Variants in RGS8 observed in about 807,000 individuals in gnomAD.
RGS8 encodes the protein regulator of G-protein signaling 8.
RGS8 carries 8 observed loss-of-function variants against 21.7 expected under a neutral mutation model. The ratio of observed to expected loss-of-function variants is 0.37; its 90% CI spans 0.22 to 0.66. The LOEUF is 0.66. Ranked by LOEUF, RGS8 falls within the 30% of genes least tolerant of loss-of-function variation. The pLI, the probability that RGS8 is intolerant of heterozygous loss-of-function variation, is 0.59. For missense variants in RGS8, 157 were observed against 217.9 expected (o/e 0.72, Z 1.76); for synonymous variants, 80 against 83.6 (o/e 0.96, Z 0.24).
the RGS8 span, among the ~76,000 whole-genome samples, chr1:182,695,965 A>G: frequency 6.6e-6 from 1 of 152,236 alleles, no homozygotes; most frequent in Non-Finnish European, 1.5e-5. Flanking sequence ...AGTGCTCAAT[A>G]TGAATTTTGA....
At chr1:182,666,702 C>A (rs1416599466) in intron 4 of RGS8, among the ~76,000 whole-genome samples, 170 bp downstream of exon 5, 1 of 151,018 alleles carries the variant, frequency 6.6e-6, no homozygotes, top group African/African-American at 2.4e-5. Flanking sequence ...CTAAGCTATA[C>A]GTTTTGAAAA....
chr1:182,726,378 T>C, the RGS8 span, among the ~76,000 whole-genome samples: 1 of 152,114 alleles, frequency 6.6e-6, no homozygotes, highest in African/African-American at 2.4e-5. Context: ...TCTGATAAGA[T>C]GCCATGCCAC....
At position 182,667,057 on chromosome 1, in the gene RGS8, C is replaced by T. The variant is rs148184616; in HGVS notation, c.27-84G>A. On this transcript the variant is annotated intron_variant, in intron 3 of 6. Transcript: ENST00000483095. ...CTATACAGGGCCCCTGGAGCTGCTG[C>T]TACGGGAGCCAGCACTGCCCCCACC... The T allele has an allele frequency of 2.1e-4, 237 of 1,121,906 alleles. 1 individual carries two copies. The African/African-American group carries it at 3.0e-3, about 14-fold the overall frequency. 69.5% of individuals were successfully genotyped at this position (1,121,906 alleles called of 1,614,324 possible).
intron 5 of RGS8, among the ~76,000 whole-genome samples, chr1:182,659,668 C>T (rs768613887): frequency 6.6e-6 from 1 of 152,146 alleles, no homozygotes; most frequent in African/African-American, 2.4e-5. Context: ...CACTGCACTC[C>T]AGCTTGGGCA....
In RGS8 at chr1:182,647,826, C is replaced by T. The variant is rs563147128; in HGVS notation, c.360+311G>A. Among the ~76,000 whole-genome samples, 3 of 152,310 alleles carry T rather than the reference C, an allele frequency of 2.0e-5. No individual in the cohort carries two copies. In the South Asian group the frequency reaches 6.2e-4, roughly 32 times the overall value. On this transcript the variant is annotated intron_variant, in intron 6 of 6. Transcript: ENST00000483095. ...CAGATCCACATTTCATTAAGCTATG[C>T]TGCTTTCCATCAGGAAAATGAACAT...
At chr1:182,672,398 A>T (rs1157745187), upstream of RGS8, 1 of 265,760 alleles carries the variant, frequency 3.8e-6, no homozygotes, top group East Asian at 9.2e-5. Context: ...CACACATCTA[A>T]ATTCCACCCC....
the RGS8 span, among the ~76,000 whole-genome samples, chr1:182,748,856 G>A: frequency 6.6e-6 from 1 of 152,154 alleles, no homozygotes; most frequent in Non-Finnish European, 1.5e-5. Context: ...GACAATTAGT[G>A]ATGTTGAGCA....
chr1:182,648,392 G>T, intron 5 of RGS8, 89 bp from the exon 7 acceptor site: 1 of 1,381,590 alleles, frequency 7.2e-7, no homozygotes, highest in Non-Finnish European at 1.0e-6. Context: ...AATAGTGTGA[G>T]GGTGCCCCTA....
chr1:182,730,979 A>G, the RGS8 span, among the ~76,000 whole-genome samples: 1 of 152,328 alleles, frequency 6.6e-6, no homozygotes, highest in South Asian at 2.1e-4. Flanking sequence ...CTAAAGGGTT[A>G]GAGAAATCTT....
the RGS8 span, among the ~76,000 whole-genome samples, chr1:182,749,255 A>G: frequency 6.6e-6 from 1 of 152,114 alleles, no homozygotes; most frequent in Non-Finnish European, 1.5e-5. Context: ...ATCTATTTTG[A>G]GTTAATTTTG....
the RGS8 span, among the ~76,000 whole-genome samples, chr1:182,693,145 C>A: frequency 5.3e-3 from 812 of 152,266 alleles, 6 homozygotes; most frequent in African/African-American, 0.019. Context: ...AATTAAAGAG[C>A]TTCTACAGAG....
the RGS8 span, among the ~76,000 whole-genome samples, chr1:182,694,070 C>T: frequency 7.2e-5 from 11 of 151,814 alleles, no homozygotes; most frequent in South Asian, 2.1e-4. Flanking sequence ...CAAACCCCCA[C>T]GACACACAGT....
At chr1:182,704,188 T>C in the RGS8 span, among the ~76,000 whole-genome samples, 1 of 152,230 alleles carries the variant, frequency 6.6e-6, no homozygotes, top group African/African-American at 2.4e-5. Flanking sequence ...TCTGTGCTTC[T>C]CCACTTGTAT....
the RGS8 span, among the ~76,000 whole-genome samples, chr1:182,719,461 C>CTT: frequency 0.13 from 18,684 of 140,616 alleles, 1,484 homozygotes; most frequent in African/African-American, 0.21. Context: ...TTTCTTTCTT[C>CTT]TTTTTTTTTT....
At chr1:182,718,676 G>A in the RGS8 span, among the ~76,000 whole-genome samples, 1 of 152,174 alleles carries the variant, frequency 6.6e-6, no homozygotes, top group Admixed American at 6.5e-5. Context: ...TAGAGCCCTA[G>A]AACAATATGA....
the RGS8 span, among the ~76,000 whole-genome samples, chr1:182,695,493 A>C: frequency 2.6e-5 from 4 of 151,648 alleles, no homozygotes; most frequent in Admixed American, 2.6e-4. Flanking sequence ...GCAATCACTT[A>C]AAAAAAAATT....
the RGS8 span, among the ~76,000 whole-genome samples, chr1:182,695,448 G>C: frequency 6.6e-6 from 1 of 152,134 alleles, no homozygotes; most frequent in Non-Finnish European, 1.5e-5. Flanking sequence ...GACTCTGCAG[G>C]CCAAATCTAA....
At chr1:182,649,608 C>T (rs150540526) in intron 5 of RGS8, among the ~76,000 whole-genome samples, 1 of 152,260 alleles carries the variant, frequency 6.6e-6, no homozygotes, top group East Asian at 1.9e-4. Context: ...TCAAGCAGTG[C>T]TTCCAACCAA....
intron 3 of RGS8, 31 bp from the exon 5 acceptor site, chr1:182,667,004 G>A (rs747410339): frequency 1.3e-6 from 2 of 1,556,236 alleles, no homozygotes; most frequent in Non-Finnish European, 1.8e-6. Context: ...GAAGGACGGG[G>A]AAACTCTCAT....
Sources: allele counts gnomAD v4.1 joint callset (sites outside exome capture counted in the v4.1 genomes callset), GRCh38; gene constraint gnomAD v4.1.1; transcripts MANE v1.5; gene names NCBI Gene and HGNC (gene_info 2026-07-23, HGNC 2026-07-21).